The following GPHN variants were observed in gnomAD, a reference collection of about 807,000 sequenced individuals.
GPHN encodes gephyrin.
GPHN carries 17 observed loss-of-function variants against 95.5 expected under a neutral mutation model. That is an observed-to-expected ratio of 0.18 (90% CI 0.12 to 0.27). GPHN has a LOEUF of 0.27. Ranked by LOEUF, GPHN falls within the 10% of genes least tolerant of loss-of-function variation. GPHN has a pLI of 1.00. For synonymous variants in GPHN, 320 were observed against 322.5 expected (o/e 0.99, Z 0.08); for missense variants, 660 against 978.1 (o/e 0.67, Z 4.34).
At chr14:67,679,701 G>A in the GPHN span, among the ~76,000 whole-genome samples, 1 of 152,166 alleles carries the variant, frequency 6.6e-6, no homozygotes, top group African/African-American at 2.4e-5. Context: ...ACTGCACCCA[G>A]CCTGTAATTC....
chr14:67,459,600 G>T, the GPHN span, among the ~76,000 whole-genome samples: 1 of 152,178 alleles, frequency 6.6e-6, no homozygotes, highest in Non-Finnish European at 1.5e-5. Context: ...CTGGCTGGAC[G>T]CAAACACAGC....
the GPHN span, among the ~76,000 whole-genome samples, chr14:67,314,766 T>C: frequency 1.3e-5 from 2 of 152,238 alleles, no homozygotes. Context: ...TGACGATGGC[T>C]TTCCATCAGA....
chr14:67,392,474 G>T, the GPHN span: 1 of 1,441,806 alleles, frequency 6.9e-7, no homozygotes, highest in Non-Finnish European at 9.8e-7. Context: ...AAAGACCCAG[G>T]CCCAGGCTAT....
chr14:66,599,391 C>CTTTTTTTTTT (rs1566679513), intron 1 of GPHN, among the ~76,000 whole-genome samples: 41 of 73,986 alleles, frequency 5.5e-4, no homozygotes, highest in African/African-American at 2.4e-3. Flanking sequence ...TTTTTTTTTG[C>CTTTTTTTTTT]ATTTTTTTTT....
the GPHN span, chr14:67,332,689 G>A: frequency 7.8e-7 from 1 of 1,285,112 alleles, no homozygotes; most frequent in Non-Finnish European, 1.1e-6. Context: ...AGCTATGAAG[G>A]TCGCTCCTTG....
the GPHN span, among the ~76,000 whole-genome samples, chr14:67,569,551 A>G: frequency 1.3e-5 from 2 of 152,198 alleles, no homozygotes; most frequent in Non-Finnish European, 2.9e-5. Flanking sequence ...CCTGATTTAC[A>G]TGAACCCCAC....
At chr14:67,585,768 C>T in the GPHN span, 6 of 996,076 alleles carry the variant, frequency 6.0e-6, no homozygotes, top group Non-Finnish European at 9.1e-6. Context: ...CCTACCCCCA[C>T]TCCTGCCCAA....
At chr14:67,150,654 T>C (rs1204423350) in intron 18 of GPHN, among the ~76,000 whole-genome samples, 1 of 152,034 alleles carries the variant, frequency 6.6e-6, no homozygotes, top group Non-Finnish European at 1.5e-5. Flanking sequence ...TTGATGTAAA[T>C]AAGAGAAAGA....
the GPHN span, chr14:67,568,934 C>A: frequency 8.2e-5 from 45 of 547,936 alleles, no homozygotes; most frequent in South Asian, 1.0e-3. Context: ...TCACAGCAGC[C>A]TGAAAGGTAA....
At chr14:67,637,410 C>CAAAAAAA in the GPHN span, among the ~76,000 whole-genome samples, 2 of 103,620 alleles carry the variant, frequency 1.9e-5, no homozygotes, top group African/African-American at 8.9e-5. Flanking sequence ...GACTCTGTCT[C>CAAAAAAA]AAAAAAAAAA....
At chr14:67,615,992 CA>C in the GPHN span, 2 of 280,734 alleles carry the variant, frequency 7.1e-6, no homozygotes. Flanking sequence ...CTGATGCAGC[CA>C]AAAAGGGAGT....
chr14:66,689,930 G>A (rs2067662925), intron 2 of GPHN, among the ~76,000 whole-genome samples: 1 of 150,890 alleles, frequency 6.6e-6, no homozygotes, highest in Admixed American at 6.6e-5. Context: ...GGTTTATTTG[G>A]GTCTTTTCTC....
the GPHN span, among the ~76,000 whole-genome samples, chr14:67,391,563 A>T: frequency 6.6e-6 from 1 of 152,168 alleles, no homozygotes; most frequent in Non-Finnish European, 1.5e-5. Context: ...GCAACAGCAC[A>T]TGCTCCGAGT....
At chr14:67,508,784 A>G in the GPHN span, among the ~76,000 whole-genome samples, 15 of 141,796 alleles carry the variant, frequency 1.1e-4, no homozygotes, top group South Asian at 8.9e-4. Flanking sequence ...GAAGACAATT[A>G]ACTTGCTTGG....
chr14:66,680,105 C>T (rs899118768), intron 1 of GPHN, among the ~76,000 whole-genome samples: 2 of 152,190 alleles, frequency 1.3e-5, no homozygotes, highest in Non-Finnish European at 2.9e-5. Flanking sequence ...TGGGTGGCAG[C>T]TTTCGATACA....
At chr14:67,180,752 A>G (rs2083287790) in intron 22 of GPHN, 52 bp from the exon 23 acceptor site, 8 of 1,587,722 alleles carry the variant, frequency 5.0e-6, no homozygotes, top group African/African-American at 2.7e-5. Context: ...CAAGGGCCCA[A>G]CTGTATACGC....
chr14:67,650,603 TA>T, the GPHN span: 1 of 940,330 alleles, frequency 1.1e-6, no homozygotes, highest in Non-Finnish European at 1.7e-6. Flanking sequence ...TTTTCTACTA[TA>T]AAATGGACTC....
At chr14:66,563,265 C>G (rs950667377) in intron 1 of GPHN, among the ~76,000 whole-genome samples, 1 of 152,200 alleles carries the variant, frequency 6.6e-6, no homozygotes, top group African/African-American at 2.4e-5. Flanking sequence ...ATGTGACTAA[C>G]TTTTCACAAT....
At chr14:67,317,039 A>G in the GPHN span, 2 of 638,624 alleles carry the variant, frequency 3.1e-6, no homozygotes, top group African/African-American at 3.7e-5. Context: ...ATTATCTCAG[A>G]ACTGTAAAGA....
Sources: gnomAD v4.1 joint callset for allele counts (sites outside exome capture counted in the v4.1 genomes callset) on GRCh38, gnomAD v4.1.1 for gene constraint, MANE v1.5 for transcripts, NCBI Gene and HGNC (gene_info 2026-07-23, HGNC 2026-07-21) for gene names.